The following ADAMTS20 variants were observed in gnomAD, a reference collection of about 807,000 sequenced individuals.
ADAMTS20 encodes A disintegrin and metalloproteinase with thrombospondin motifs 20.
ADAMTS20 carries 225 observed loss-of-function variants against 260.1 expected under a neutral mutation model. That is an observed-to-expected ratio of 0.87 (90% CI 0.78 to 0.97). The LOEUF (loss-of-function observed/expected upper bound fraction) is 0.97. ADAMTS20 is among the 50% of genes least tolerant of loss of function. The probability of loss-of-function intolerance (pLI) is 0.00; values close to 1 mark genes in which losing one functional copy is unlikely to be tolerated. For missense variants in ADAMTS20, 2,400 were observed against 2,337.7 expected, an observed-to-expected ratio of 1.03 and a Z score of -0.55; for synonymous variants, 802 against 769.5, an observed-to-expected ratio of 1.04 and a Z score of -0.70.
intron 31 of ADAMTS20, among the ~76,000 whole-genome samples, chr12:43,379,814 T>C (rs962508300): frequency 6.6e-6 from 1 of 152,004 alleles, no homozygotes; most frequent in African/African-American, 2.4e-5. Context: ...TTATCACAAG[T>C]AAAGAGATTA....
chr12:43,472,332 T>G (rs1422991592), intron 7 of ADAMTS20, among the ~76,000 whole-genome samples: 1 of 151,230 alleles, frequency 6.6e-6, no homozygotes, highest in Non-Finnish European at 1.5e-5. Flanking sequence ...AATATGGGAC[T>G]ATGTGAAAAG....
intron 3 of ADAMTS20, among the ~76,000 whole-genome samples, chr12:43,515,652 T>C (rs1222603415): frequency 1.3e-5 from 2 of 152,172 alleles, no homozygotes; most frequent in Non-Finnish European, 2.9e-5. Flanking sequence ...AACTTAGAGA[T>C]GTAATTAAAA....
rs568430913 is a variant in ADAMTS20, at chr12:43,354,165, A to G, written c.*44T>C. On this transcript the variant is annotated 3_prime_UTR_variant, in exon 39 of 39. Coordinates refer to ENST00000389420, the MANE Select transcript of ADAMTS20 (RefSeq NM_025003.5). ...TGAGCACCAGTTATTTGAATATTCC[A>G]GAGAATATCCCCTCTTTAGGGCATA... The G allele has an allele frequency of 3.9e-5, 53 of 1,370,868 alleles. No homozygotes were observed. In the East Asian group the frequency reaches 1.3e-3, roughly 34 times the overall value. The allele number at this position is 1,370,868 out of a possible 1,614,324, so 84.9% of individuals were successfully genotyped here.
chr12:43,402,487 T>A (rs1940829110), intron 28 of ADAMTS20, among the ~76,000 whole-genome samples: 1 of 152,056 alleles, frequency 6.6e-6, no homozygotes. Flanking sequence ...CAGTATTTTA[T>A]CATATCTGAT....
chr12:43,463,538 T>C (rs898842893), intron 10 of ADAMTS20, among the ~76,000 whole-genome samples: 1 of 152,208 alleles, frequency 6.6e-6, no homozygotes, highest in East Asian at 1.9e-4. Flanking sequence ...ATAATTCCTT[T>C]CTTTTTCTGA....
intron 16 of ADAMTS20, among the ~76,000 whole-genome samples, chr12:43,441,473 T>C (rs1442693844): frequency 2.0e-5 from 3 of 152,236 alleles, no homozygotes; most frequent in Non-Finnish European, 2.9e-5. Context: ...GTTTAAGTTG[T>C]TGTGATTAAT....
At chr12:43,526,694 A>G (rs1029129740) in intron 3 of ADAMTS20, among the ~76,000 whole-genome samples, 2 of 152,238 alleles carry the variant, frequency 1.3e-5, no homozygotes, top group Admixed American at 1.3e-4. Flanking sequence ...AGTAGTGCTA[A>G]GAGGAATGTT....
chr12:43,481,354 C>A (rs545987916), intron 7 of ADAMTS20, among the ~76,000 whole-genome samples: 208 of 152,234 alleles, frequency 1.4e-3, no homozygotes, highest in Non-Finnish European at 2.3e-3. Flanking sequence ...TTAAAAGACT[C>A]AGAAAACAAG....
intron 27 of ADAMTS20, among the ~76,000 whole-genome samples, chr12:43,426,119 G>A (rs1409328171): frequency 1.3e-5 from 2 of 152,006 alleles, no homozygotes; most frequent in African/African-American, 2.4e-5. Context: ...AATAAGGTAC[G>A]TCTAATTTTA....
intron 11 of ADAMTS20, among the ~76,000 whole-genome samples, chr12:43,454,597 C>T (rs1345300334): frequency 6.6e-6 from 1 of 152,156 alleles, no homozygotes; most frequent in Non-Finnish European, 1.5e-5. Context: ...CCTGTTAGCA[C>T]ACATGGAAAA....
chr12:43,443,767 C>T (rs372800280), intron 16 of ADAMTS20, 24 bp downstream of exon 16: 2 of 1,581,384 alleles, frequency 1.3e-6, no homozygotes, highest in Admixed American at 1.7e-5. Context: ...CACATACTGG[C>T]TGTTGTTTAC....
chr12:43,488,393 A>G (rs1371543230), intron 7 of ADAMTS20, among the ~76,000 whole-genome samples: 1 of 152,138 alleles, frequency 6.6e-6, no homozygotes, highest in African/African-American at 2.4e-5. Flanking sequence ...GGAGTAGATG[A>G]TGCAACCCAC....
At chr12:43,408,544 C>G (rs1386152239) in intron 28 of ADAMTS20, among the ~76,000 whole-genome samples, 1 of 151,874 alleles carries the variant, frequency 6.6e-6, no homozygotes, top group African/African-American at 2.4e-5. Context: ...TTATAAAGGC[C>G]TAAAAAGGAA....
At chr12:43,518,957 C>T (rs1246031925) in intron 3 of ADAMTS20, among the ~76,000 whole-genome samples, 1 of 152,112 alleles carries the variant, frequency 6.6e-6, no homozygotes, top group East Asian at 1.9e-4. Flanking sequence ...CACCCTGATT[C>T]AGCACCTCAC....
intron 28 of ADAMTS20, among the ~76,000 whole-genome samples, chr12:43,414,347 A>G: frequency 6.6e-6 from 1 of 152,144 alleles, no homozygotes; most frequent in East Asian, 1.9e-4. Context: ...TACTTAATGC[A>G]AAGAAATAGA....
chr12:43,429,798 C>A (rs1941405974), intron 23 of ADAMTS20, 74 bp from the exon 24 acceptor site: 2 of 954,070 alleles, frequency 2.1e-6, no homozygotes, highest in Non-Finnish European at 3.1e-6. Flanking sequence ...TACTTCACTT[C>A]TTCTGTATGT....
chr12:43,460,989 T>TATATATATATATATATATATATATA lies in ADAMTS20; in HGVS notation c.1614+1905_1614+1906insTATATATATATATATATATATATAT, dbSNP rs1555129949. ...TTATATATATATATATATATATATA[T>TATATATATATATATATATATATATA]TTTTTTTTTTTTTTTTTTTTTTGAG... On this transcript the variant is annotated intron_variant, in intron 11 of 38. Coordinates refer to ENST00000389420, the MANE Select transcript of ADAMTS20 (RefSeq NM_025003.5). 1.5e-4 allele frequency among the ~76,000 whole-genome samples: 4 copies of TATATATATATATATATATATATATA among 25,922 alleles called. 1 individual carries two copies. Among genetic ancestry groups the TATATATATATATATATATATATATA allele is most frequent in the African/African-American group, 3.9e-4 (3 of 7,624 alleles). 17.0% of individuals were successfully genotyped at this position (25,922 alleles called of 152,430 possible).
chr12:43,462,956 T>A lies in ADAMTS20; in HGVS notation c.1553A>T (p.His518Leu), dbSNP rs1383903756. The A allele has an allele frequency of 6.2e-7, 1 of 1,609,480 alleles. No homozygotes were observed. The highest frequency in any genetic ancestry group is 1.3e-5 in the African/African-American group (1 of 74,914). The change falls in exon 11 of 39, where the codon CAC (histidine) becomes CTC (leucine). Residue 518 changes from histidine to leucine, a missense_variant. Physicochemically the swap from His to Leu is moderately conservative, Grantham distance 99. Transcript: ENST00000389420. ...HLWCTSTEKL[H>L]KGCFTQHVPP... ...CACGTGTTGAGTGAAACAGCCTTTG[T>A]GAAGCTTTTCTGTGCTTGTGCACCA...
chr12:43,381,901 T>C (rs572113097), intron 31 of ADAMTS20, among the ~76,000 whole-genome samples: 3 of 150,012 alleles, frequency 2.0e-5, no homozygotes, highest in Non-Finnish European at 4.4e-5. Flanking sequence ...ATTAGAGAAA[T>C]GCAACTTAAA....
Sources: gnomAD v4.1 joint callset for allele counts (sites outside exome capture counted in the v4.1 genomes callset) on GRCh38, gnomAD v4.1.1 for gene constraint, MANE v1.5 for transcripts, NCBI Gene and HGNC (gene_info 2026-07-23, HGNC 2026-07-21) for gene names.